HOXA3: variants seen among roughly 807,000 people sequenced by gnomAD.
HOXA3 encodes the protein homeobox A3.
Under a neutral mutation model 30.3 loss-of-function variants are expected in HOXA3, and 8 were observed. That is an observed-to-expected ratio of 0.26 (90% CI 0.15 to 0.48). The LOEUF (loss-of-function observed/expected upper bound fraction) is 0.48. Among genes scored for constraint, HOXA3 ranks in the 20% least tolerant of loss-of-function variants. HOXA3 has a pLI of 0.99. For synonymous variants in HOXA3, 323 were observed against 273.1 expected (o/e 1.18, Z -1.80); for missense variants, 653 against 614.4 (o/e 1.06, Z -0.66).
At chr7:27,152,099 CGCGCGTGTGTGCCTGTG>C (rs1782991795) in intron 1 of HOXA3, among the ~76,000 whole-genome samples, 172 bp downstream of exon 1, 1 of 37,040 alleles carries the variant, frequency 2.7e-5, no homozygotes, top group Non-Finnish European at 2.3e-4. Context: ...TGTGTGCGTG[CGCGCGTGTGTGCCTGTG>C]TGTGTGACGT....
At chr7:27,147,827 G>T in intron 1 of HOXA3, 3 of 1,312,746 alleles carry the variant, frequency 2.3e-6, no homozygotes, top group Non-Finnish European at 3.1e-6. Flanking sequence ...CATCGAACTG[G>T]TTTGTTTCTG....
At chr7:27,129,697 A>T in intron 2 of HOXA3, 1 of 1,025,508 alleles carries the variant, frequency 9.8e-7, no homozygotes. Context: ...ATAACCTGAC[A>T]CCAAGTTCAC....
At chr7:27,129,272 G>A in intron 2 of HOXA3, 1 of 1,580,298 alleles carries the variant, frequency 6.3e-7, no homozygotes, top group Non-Finnish European at 8.7e-7. Context: ...TGGGGGTGGG[G>A]ATGGAGGTGT....
chr7:27,141,849 C>T lies in HOXA3; in HGVS notation c.-493-1663G>A, dbSNP rs774910615. 29 of 1,613,952 alleles carry T rather than the reference C, an allele frequency of 1.8e-5. No homozygotes were observed. In the South Asian group the frequency reaches 3.2e-4, roughly 18 times the overall value. On this transcript the variant is annotated intron_variant, in intron 1 of 5. Coordinates refer to ENST00000612286, the MANE Select transcript of HOXA3 (RefSeq NM_153631.3). ...CGCTCAGATACTCAGGGACGGAAGG[C>T]CCCTCCTGCCGCGGCCATGCTCATG... is the stretch of plus-strand genomic sequence containing the variant.
At chr7:27,119,158 C>CAA (rs1448394023) in intron 4 of HOXA3, among the ~76,000 whole-genome samples, 27 of 84,732 alleles carry the variant, frequency 3.2e-4, no homozygotes, top group Admixed American at 1.9e-3. Context: ...CCCCCCCCCC[C>CAA]AAAAAAAATA....
chr7:27,129,263 G>T lies in HOXA3; in HGVS notation c.-389-2193C>A, dbSNP rs201659767. ...GGAACGGGTGTGGAGGTGCTCGGGT[G>T]GGGGTGGGGATGGAGGTGTGGGCTC... On this transcript the variant is annotated intron_variant, in intron 2 of 5. Transcript: ENST00000612286. 383 of 1,610,194 alleles carry T rather than the reference G, an allele frequency of 2.4e-4. No homozygotes were observed. The highest frequency in any genetic ancestry group is 6.6e-4 in the Middle Eastern group (4 of 6,042).
At chr7:27,140,033 A>AGAGAG (rs1281735462) in intron 2 of HOXA3, 50 bp downstream of exon 2, 5 of 118,768 alleles carry the variant, frequency 4.2e-5, no homozygotes, top group East Asian at 2.5e-4. Flanking sequence ...GAGAGAGAGA[A>AGAGAG]AGTTTCCAAA....
At position 27,110,237 on chromosome 7, in the gene HOXA3, G is replaced by A. The variant is rs761025094; in HGVS notation, c.404C>T (p.Pro135Leu). Residue 135 changes from proline (P) to leucine (L), a missense_variant, in exon 5 of 6, where the codon CCT (proline) becomes CTT (leucine). Coordinates refer to ENST00000612286, the MANE Select transcript of HOXA3 (RefSeq NM_153631.3). ...GCTCTTGGCCGCGTTGGCAGGGGTAGGGTTGTTGCTGGCATTCTGAGGAGG... is the reference window on the plus strand; with the variant it reads ...GCTCTTGGCCGCGTTGGCAGGGGTAAGGTTGTTGCTGGCATTCTGAGGAGG... Reference protein sequence around the residue: ...ASPPQNASNNPTPANAAKSPL... With the variant: ...ASPPQNASNNLTPANAAKSPL... 1 of 1,614,078 alleles carries A rather than the reference G, an allele frequency of 6.2e-7. No homozygotes were observed.
chr7:27,147,613 CTCG>C (rs1562732658), intron 1 of HOXA3: 1 of 1,614,242 alleles, frequency 6.2e-7, no homozygotes, highest in South Asian at 1.1e-5. Context: ...GTCCGGGAGA[CTCG>C]ACGCCCCGTA....
At chr7:27,112,309 G>C (rs551385700) in intron 4 of HOXA3, among the ~76,000 whole-genome samples, 10 of 152,032 alleles carry the variant, frequency 6.6e-5, no homozygotes, top group African/African-American at 2.4e-4. Flanking sequence ...AGTTTTCCAG[G>C]AATATTAGAT....
intron 1 of HOXA3, chr7:27,147,579 G>GA (rs760426520): frequency 2.8e-5 from 45 of 1,614,138 alleles, no homozygotes; most frequent in Non-Finnish European, 3.7e-5. Flanking sequence ...ACTGTTGGTA[G>GA]AAACAAGGTG....
At chr7:27,116,384 G>A (rs1784723727) in intron 4 of HOXA3, 1 of 152,672 alleles carries the variant, frequency 6.5e-6, no homozygotes, top group Admixed American at 6.5e-5. Flanking sequence ...CAAAATCACA[G>A]AATAGAGAGG....
intron 4 of HOXA3, among the ~76,000 whole-genome samples, chr7:27,121,400 A>G (rs1785009382): frequency 6.6e-6 from 1 of 152,194 alleles, no homozygotes; most frequent in African/African-American, 2.4e-5. Flanking sequence ...CTATTTATAC[A>G]TGCAATTGTT....
At chr7:27,122,867 T>A (rs1785088225) in intron 3 of HOXA3, 1 of 152,040 alleles carries the variant, frequency 6.6e-6, no homozygotes, top group Non-Finnish European at 1.5e-5. Context: ...AATAAATACA[T>A]ACTCCATCTC....
Position 27,110,356 on chromosome 7 carries a change from GGGC to G in HOXA3, c.282_284del (p.Pro95del). 2.0e-6 allele frequency: 3 copies of G among 1,504,590 alleles called. No individual in the cohort carries two copies. The highest frequency in any genetic ancestry group is 1.3e-5 in the South Asian group (1 of 76,856). The allele number at this position is 1,504,590 out of a possible 1,614,324, so 93.2% of individuals were successfully genotyped here. ...GCTGTGGGGCAGGGGGCGCGGCCTGGGGCGGCGGCGGGTGCAGGGGCGGCTCTC... is the reference window on the plus strand; with the variant it reads ...GCTGTGGGGCAGGGGGCGCGGCCTGGGGCGGCGGGTGCAGGGGCGGCTCTC... On this transcript the variant is annotated inframe_deletion, in exon 5 of 6. Coordinates refer to ENST00000612286, the MANE Select transcript of HOXA3 (RefSeq NM_153631.3).
chr7:27,118,941 T>C (rs1212925161), intron 4 of HOXA3, among the ~76,000 whole-genome samples: 1 of 152,206 alleles, frequency 6.6e-6, no homozygotes, highest in African/African-American at 2.4e-5. Context: ...CAAGTCCAGT[T>C]GGTTTTGTTC....
chr7:27,108,651 G>C lies in HOXA3; in HGVS notation c.596C>G (p.Thr199Arg). 6.2e-7 allele frequency: 1 copy of C among 1,613,986 alleles called. No homozygotes were observed. Among genetic ancestry groups the C allele is most frequent in the African/African-American group, 1.3e-5 (1 of 75,050 alleles). The change falls in exon 6 of 6, where the codon ACG becomes AGG. Residue 199 changes from threonine to arginine, a missense_variant. Physicochemically the swap from Thr to Arg is moderately conservative, Grantham distance 71 (BLOSUM62 -1). Around this residue, in one of 3 missense-constraint regions of HOXA3, gnomAD observed 320 missense variants for 321.9 expected, o/e 0.99. Coordinates refer to ENST00000612286, the MANE Select transcript of HOXA3 (RefSeq NM_153631.3). The surrounding 1 kb of genome is among the most constrained non-coding windows in gnomAD (Gnocchi z 5.0). ...ASSKRARTAY[T>R]SAQLVELEKE... Reference sequence around the variant, plus strand: ...CTCCAGCTCCACCAGCTGCGCGCTCGTGTAGGCCGTGCGCGCGCGCTTGGA... The same window carrying C: ...CTCCAGCTCCACCAGCTGCGCGCTCCTGTAGGCCGTGCGCGCGCGCTTGGA...
intron 3 of HOXA3, among the ~76,000 whole-genome samples, chr7:27,125,596 A>G (rs1388853684): frequency 6.6e-6 from 1 of 152,212 alleles, no homozygotes; most frequent in East Asian, 1.9e-4. Flanking sequence ...GGGACAGTGT[A>G]TAATATAGGG....
At chr7:27,134,969 T>C (rs1253380750) in intron 2 of HOXA3, among the ~76,000 whole-genome samples, 1 of 152,206 alleles carries the variant, frequency 6.6e-6, no homozygotes, top group Admixed American at 6.5e-5. Flanking sequence ...GAAGGTCAAT[T>C]CATAGAAAAG....
Sources: allele counts gnomAD v4.1 joint callset (sites outside exome capture counted in the v4.1 genomes callset), GRCh38; gene constraint gnomAD v4.1.1; regional missense constraint gnomAD v4.1.1; non-coding constraint Gnocchi (gnomAD v3.1); transcripts MANE v1.5; gene names NCBI Gene and HGNC (gene_info 2026-07-23, HGNC 2026-07-21).